Variants in SULF2 observed in about 807,000 individuals in gnomAD.
The protein encoded by SULF2 is extracellular sulfatase Sulf-2.
In SULF2, 52 loss-of-function variants were observed where a neutral mutation model predicts 107.7. The ratio of observed to expected loss-of-function variants is 0.48; its 90% confidence interval spans 0.39 to 0.61. SULF2 has a LOEUF of 0.61. Among genes scored for constraint, SULF2 ranks in the 20% least tolerant of loss-of-function variants. The pLI is 0.00. For synonymous variants in SULF2, 460 were observed against 464.3 expected (o/e 0.99, Z 0.12); for missense variants, 993 against 1,177.3 (o/e 0.84, Z 2.29).
At chr20:47,737,066 G>C in intron 2 of SULF2, 124 bp from the exon 3 acceptor site, 1 of 1,412,310 alleles carries the variant, frequency 7.1e-7, no homozygotes, top group Non-Finnish European at 9.6e-7. Context: ...CTACGGGGCA[G>C]ACGGGGCAGG....
At chr20:47,758,572 A>G (rs1428958571) in intron 1 of SULF2, among the ~76,000 whole-genome samples, 2 of 151,664 alleles carry the variant, frequency 1.3e-5, no homozygotes, top group African/African-American at 4.9e-5. Flanking sequence ...GCCCTCAGTC[A>G]CCCCCCTGGC....
In SULF2 at chr20:47,661,859, A is replaced by G; in HGVS notation, c.2408T>C (p.Leu803Pro). 1 of 1,595,344 alleles carries G rather than the reference A, an allele frequency of 6.3e-7. No individual in the cohort carries two copies. Among genetic ancestry groups the G allele is most frequent in the Non-Finnish European group, 8.6e-7 (1 of 1,167,402 alleles). Residue 803 changes from leucine to proline, a missense_variant, in exon 18 of 21, where the codon CTC (leucine) becomes CCC (proline). Leu to Pro is a moderately conservative substitution (Grantham distance 98, BLOSUM62 -3). Around this residue, in one of 3 missense-constraint regions of SULF2, gnomAD observed 497 missense variants for 544.1 expected, o/e 0.91. Coordinates refer to ENST00000688720, the MANE Select transcript of SULF2 (RefSeq NM_001387048.1). ...NAVNTLDRDVLNQLHVQLMEL... is the reference protein window; with the variant it reads ...NAVNTLDRDVPNQLHVQLMEL... ...CATGAGCTGTACGTGTAGCTGGTTGAGGACATCCCTGTCCAGTGTGTTCAC... is the reference window on the plus strand; with the variant it reads ...CATGAGCTGTACGTGTAGCTGGTTGGGGACATCCCTGTCCAGTGTGTTCAC...
At chr20:47,677,235 T>C in intron 8 of SULF2, 101 bp from the exon 9 acceptor site, 1 of 1,324,336 alleles carries the variant, frequency 7.6e-7, no homozygotes, top group Non-Finnish European at 1.1e-6. Context: ...AGCCTTGGTT[T>C]ACGGTCAGCC....
At position 47,702,638 on chromosome 20, in the gene SULF2, C is replaced by T. The variant is rs202153241; in HGVS notation, c.448G>A (p.Gly150Ser). ...FFGKYLNEYNGSYVPPGWKEW... is the reference protein window; with the variant it reads ...FFGKYLNEYNSSYVPPGWKEW... ...TTCCAGCCGGGTGGCACGTAGGAGC[C>T]GTTGTATTCATTAAGATACTTCCCG... Residue 150 changes from glycine to serine, a missense_variant, in exon 4 of 21, where the codon GGC becomes AGC. Coordinates refer to ENST00000688720, the MANE Select transcript of SULF2 (RefSeq NM_001387048.1). 1.3e-5 allele frequency: 21 copies of T among 1,613,856 alleles called. No individual in the cohort carries two copies. The highest frequency in any genetic ancestry group is 3.3e-5 in the South Asian group (3 of 91,066).
chr20:47,782,651 G>A (rs561686918), intron 1 of SULF2, among the ~76,000 whole-genome samples: 5 of 152,276 alleles, frequency 3.3e-5, no homozygotes, highest in South Asian at 2.1e-4. Flanking sequence ...TGAGTGGGCT[G>A]AAATCTTCAC....
chr20:47,727,648 G>A (rs867340356), intron 3 of SULF2, among the ~76,000 whole-genome samples: 4 of 152,112 alleles, frequency 2.6e-5, no homozygotes, highest in Non-Finnish European at 4.4e-5. Flanking sequence ...TTCCTCTTAC[G>A]GCGCAGGGAA....
intron 2 of SULF2, among the ~76,000 whole-genome samples, chr20:47,741,744 G>A (rs898202786): frequency 6.6e-6 from 1 of 152,066 alleles, no homozygotes; most frequent in Non-Finnish European, 1.5e-5. Context: ...AGCCTCTCTC[G>A]GTCTCCAGAC....
rs1005613895 is a variant in SULF2 at position 47,678,501 on chromosome 20, C to T, written c.1193+175G>A. 2.3e-4 allele frequency: 141 copies of T among 607,668 alleles called. 1 individual carries two copies. Among genetic ancestry groups the T allele is most frequent in the South Asian group, 1.7e-3 (72 of 42,948 alleles). 37.6% of individuals were successfully genotyped at this position (607,668 alleles called of 1,614,324 possible). On this transcript the variant is annotated intron_variant, in intron 8 of 20. Coordinates refer to ENST00000688720, the MANE Select transcript of SULF2 (RefSeq NM_001387048.1). This position sits in a 1 kb window ranked among gnomAD's most constrained non-coding sequence, Gnocchi z 4.5. The stretch of plus-strand genomic sequence containing the variant: ...CATTCCAGATGGGAAGACAGAATCT[C>T]GGAGAGGGGACCATGCTTCTCTCCC...
At chr20:47,696,080 G>A (rs1324876762) in intron 4 of SULF2, among the ~76,000 whole-genome samples, 1 of 152,194 alleles carries the variant, frequency 6.6e-6, no homozygotes, top group African/African-American at 2.4e-5. Flanking sequence ...TTTAGTGCAT[G>A]GACTTTGAAG....
Position 47,707,203 on chromosome 20 carries a change from G to A in SULF2, c.416-4533C>T, listed in dbSNP as rs553672095. Among the ~76,000 whole-genome samples, 91 of 152,150 alleles carry A rather than the reference G, an allele frequency of 6.0e-4. No individual in the cohort carries two copies. The Middle Eastern group carries it at 0.017, about 28-fold the overall frequency. On this transcript the variant is annotated intron_variant, in intron 3 of 20. Transcript: ENST00000688720. ...AGGGTTTCACCATGTTGGCCAAGGT[G>A]GTCTTTAACTCCTGACCTCAGGTGA...
At chr20:47,693,376 G>A (rs182774366) in intron 4 of SULF2, among the ~76,000 whole-genome samples, 50 of 152,272 alleles carry the variant, frequency 3.3e-4, no homozygotes, top group African/African-American at 1.2e-3. Context: ...GGTGGGGTGG[G>A]AAGCCACCGT....
At position 47,736,745 on chromosome 20, in the gene SULF2, G is replaced by A. The variant is rs775450411; in HGVS notation, c.373C>T (p.Arg125Cys). The change falls in exon 3 of 21, where the codon CGC (arginine) becomes TGC (cysteine). Residue 125 changes from arginine to cysteine, a missense_variant. Around this residue, in one of 3 missense-constraint regions of SULF2, gnomAD observed 388 missense variants for 449.2 expected, o/e 0.86. Coordinates refer to ENST00000688720, the MANE Select transcript of SULF2 (RefSeq NM_001387048.1). ...CTATTGAGGTACACGGCAAAGGTGCGGCTCTCGTGCTGTGCCTGCCAGGAG... is the reference window on the plus strand; with the variant it reads ...CTATTGAGGTACACGGCAAAGGTGCAGCTCTCGTGCTGTGCCTGCCAGGAG... Reference protein sequence around the residue: ...SPSWQAQHESRTFAVYLNSTG... With the variant: ...SPSWQAQHESCTFAVYLNSTG... 1.4e-5 allele frequency: 23 copies of A among 1,614,100 alleles called. No homozygotes were observed. Among genetic ancestry groups the A allele is most frequent in the African/African-American group, 5.3e-5 (4 of 74,934 alleles).
chr20:47,669,638 G>A (rs2087396983), intron 11 of SULF2, among the ~76,000 whole-genome samples: 1 of 152,136 alleles, frequency 6.6e-6, no homozygotes, highest in Admixed American at 6.5e-5. Context: ...TGGGGCTGGA[G>A]TCCCCAAATC....
chr20:47,662,327 C>T (rs944053283), intron 17 of SULF2, among the ~76,000 whole-genome samples: 27 of 152,108 alleles, frequency 1.8e-4, no homozygotes, highest in Admixed American at 2.0e-4. Flanking sequence ...TGGGAGCTAC[C>T]GGTGAGGGAC....
chr20:47,736,982 C>G, intron 2 of SULF2, 40 bp from the exon 3 acceptor site: 1 of 1,610,430 alleles, frequency 6.2e-7, no homozygotes, highest in Non-Finnish European at 8.5e-7. Context: ...GGGCAGGAGA[C>G]CCGGGCGGCA....
chr20:47,665,799 G>A lies in SULF2; in HGVS notation c.1902+58C>T. 8 of 1,458,838 alleles carry A rather than the reference G, an allele frequency of 5.5e-6. No individual in the cohort carries two copies. The South Asian group carries it at 9.2e-5, about 17-fold the overall frequency. 90.4% of individuals were successfully genotyped at this position (1,458,838 alleles called of 1,614,324 possible). ...CTCACTGCCCTCCCACTGTGAACCG[G>A]GGGTCCTGCCAGGCCCGTGGTGGCC... On this transcript the variant is annotated intron_variant, in intron 13 of 20. Transcript: ENST00000688720.
intron 3 of SULF2, among the ~76,000 whole-genome samples, chr20:47,726,147 C>A (rs1009473511): frequency 6.6e-6 from 1 of 152,142 alleles, no homozygotes; most frequent in Admixed American, 6.6e-5. Flanking sequence ...TTTTTATTGC[C>A]CCTTCTCAGT....
Position 47,766,341 on chromosome 20 carries a change from G to GCT in SULF2, c.-100-8880_-100-8879dup, listed in dbSNP as rs1479742621. The stretch of plus-strand genomic sequence containing the variant: ...CCTACCTAGCCCAGGCCATCTTGTG[G>GCT]CTCTCCTTGCCTGTTCTTGGAATTC... On this transcript the variant is annotated intron_variant, in intron 1 of 20. Coordinates refer to ENST00000688720, the MANE Select transcript of SULF2 (RefSeq NM_001387048.1). 3.3e-5 allele frequency among the ~76,000 whole-genome samples: 5 copies of GCT among 152,304 alleles called. No individual in the cohort carries two copies. The East Asian group carries it at 9.6e-4, about 29-fold the overall frequency.
chr20:47,699,567 ATG>A (rs1422533174), intron 4 of SULF2, among the ~76,000 whole-genome samples: 2 of 152,006 alleles, frequency 1.3e-5, no homozygotes, highest in Admixed American at 1.3e-4. Context: ...GTCACGTAAT[ATG>A]TGTCAAGGTT....
Sources: allele counts gnomAD v4.1 joint callset (sites outside exome capture counted in the v4.1 genomes callset), GRCh38; gene constraint gnomAD v4.1.1; regional missense constraint gnomAD v4.1.1; non-coding constraint Gnocchi (gnomAD v3.1); transcripts MANE v1.5; gene names NCBI Gene and HGNC (gene_info 2026-07-23, HGNC 2026-07-21).